The following JARID2 variants were observed in gnomAD, a reference collection of about 807,000 sequenced individuals.
JARID2 encodes protein Jumonji.
In JARID2, 21 loss-of-function variants were observed where a neutral mutation model predicts 125.6. The observed-to-expected ratio is 0.17, with a 90% CI of 0.12 to 0.24. JARID2 has a LOEUF of 0.24. JARID2 is among the 10% of genes least tolerant of loss of function. The pLI is 1.00. For missense variants in JARID2, 1,303 were observed against 1,639.6 expected (o/e 0.79, Z 3.55); for synonymous variants, 736 against 661.6 (o/e 1.11, Z -1.73).
intron 17 of JARID2, among the ~76,000 whole-genome samples, chr6:15,518,847 CAG>C (rs1175493393): frequency 6.6e-6 from 1 of 152,188 alleles, no homozygotes; most frequent in Non-Finnish European, 1.5e-5. Context: ...CTCAACCTCC[CAG>C]TGTGCCCAGT....
At chr6:15,463,762 C>G (rs1049464063) in intron 4 of JARID2, among the ~76,000 whole-genome samples, 2 of 152,104 alleles carry the variant, frequency 1.3e-5, no homozygotes, top group African/African-American at 4.8e-5. Flanking sequence ...CTGCTAGATA[C>G]GAAGTTTCTA....
At chr6:15,280,110 A>G (rs1418843068) in intron 1 of JARID2, among the ~76,000 whole-genome samples, 1 of 152,136 alleles carries the variant, frequency 6.6e-6, no homozygotes, top group Non-Finnish European at 1.5e-5. Flanking sequence ...CAAATCCGTG[A>G]CTTTGGAAAT....
chr6:15,291,652 G>T (rs143638906), intron 1 of JARID2, among the ~76,000 whole-genome samples: 13 of 152,288 alleles, frequency 8.5e-5, no homozygotes, highest in African/African-American at 2.6e-4. Context: ...GCCCAGTAGT[G>T]GTGGGACACC....
intron 13 of JARID2, 46 bp downstream of exon 13, chr6:15,511,447 C>T: frequency 7.8e-7 from 1 of 1,283,108 alleles, no homozygotes; most frequent in Non-Finnish European, 1.1e-6. Context: ...GTAGGACCTC[C>T]TAGGCACTTG....
intron 3 of JARID2, among the ~76,000 whole-genome samples, chr6:15,415,864 G>A (rs1172681031): frequency 4.7e-5 from 7 of 148,502 alleles, no homozygotes; most frequent in African/African-American, 1.7e-4. Flanking sequence ...CTGGCTGGGC[G>A]GGGGCTGACC....
intron 1 of JARID2, among the ~76,000 whole-genome samples, chr6:15,251,476 C>T (rs1175341137): frequency 1.3e-5 from 2 of 152,206 alleles, no homozygotes; most frequent in Non-Finnish European, 2.9e-5. Flanking sequence ...TACTAACCAC[C>T]TTTTGTCTAC....
chr6:15,376,969 A>G (rs917653469), intron 2 of JARID2, among the ~76,000 whole-genome samples: 2 of 152,058 alleles, frequency 1.3e-5, no homozygotes, highest in Admixed American at 6.5e-5. Context: ...ATATATGTGG[A>G]CGTGTCTGTG....
chr6:15,453,792 G>A (rs1453146189), intron 4 of JARID2, among the ~76,000 whole-genome samples: 2 of 152,114 alleles, frequency 1.3e-5, no homozygotes, highest in African/African-American at 4.8e-5. Context: ...CATCCTTCCA[G>A]CCTTGCTTCT....
At chr6:15,433,297 G>C (rs1184782083) in intron 3 of JARID2, among the ~76,000 whole-genome samples, 1 of 152,080 alleles carries the variant, frequency 6.6e-6, no homozygotes, top group Non-Finnish European at 1.5e-5. Context: ...TTGTTCATCT[G>C]CCTTGTGCAG....
At chr6:15,500,349 C>G (rs11965672) in intron 7 of JARID2, among the ~76,000 whole-genome samples, 3,267 of 152,298 alleles carry the variant, frequency 0.021, 120 homozygotes, top group African/African-American at 0.073. Flanking sequence ...GGAAAATAGA[C>G]TTCCTTTGTG....
rs1771054942 is a variant in JARID2 at position 15,507,365 on chromosome 6, G to A, written c.2680G>A (p.Val894Ile). 5.0e-6 allele frequency: 8 copies of A among 1,614,000 alleles called. 1 individual carries two copies. The highest frequency in any genetic ancestry group is 5.9e-6 in the Non-Finnish European group (7 of 1,179,946). Residue 894 changes from valine (V) to isoleucine (I), a missense_variant, in exon 11 of 18, where the codon GTC becomes ATC. Transcript: ENST00000341776. ...PFSRHGWNLT[V>I]LPNNTGSILR... ...TTGCAGGCATGGATGGAACCTCACC[G>A]TCCTCCCCAATAACACAGGGTCCAT... is the stretch of plus-strand genomic sequence containing the variant.
At chr6:15,368,264 TGAGTA>T (rs1301551647) in intron 1 of JARID2, among the ~76,000 whole-genome samples, 2 of 152,174 alleles carry the variant, frequency 1.3e-5, no homozygotes, top group African/African-American at 2.4e-5. Flanking sequence ...GTCTTTAAAA[TGAGTA>T]GAGGAGAGCA....
At chr6:15,476,218 C>T (rs536205589) in intron 5 of JARID2, among the ~76,000 whole-genome samples, 60 of 152,306 alleles carry the variant, frequency 3.9e-4, no homozygotes, top group African/African-American at 1.4e-3. Flanking sequence ...TTAATTAGGC[C>T]ACATTTCAAG....
At chr6:15,421,072 A>G (rs138881900) in intron 3 of JARID2, among the ~76,000 whole-genome samples, 1 of 152,164 alleles carries the variant, frequency 6.6e-6, no homozygotes, top group East Asian at 1.9e-4. Flanking sequence ...TGCCTTACAC[A>G]TTATATCACC....
intron 4 of JARID2, among the ~76,000 whole-genome samples, chr6:15,454,955 A>G (rs752051436): frequency 7.2e-5 from 11 of 152,200 alleles, no homozygotes; most frequent in Non-Finnish European, 1.0e-4. Flanking sequence ...TGTGATGATC[A>G]GGAATGGAGA....
intron 1 of JARID2, among the ~76,000 whole-genome samples, chr6:15,274,454 G>A (rs1760418155): frequency 6.6e-6 from 1 of 152,128 alleles, no homozygotes. Context: ...ATTTTGTTCT[G>A]AAGAAACATG....
At chr6:15,514,522 G>A (rs1771452049) in intron 16 of JARID2, among the ~76,000 whole-genome samples, 1 of 152,200 alleles carries the variant, frequency 6.6e-6, no homozygotes, top group African/African-American at 2.4e-5. Flanking sequence ...TGAGACCCGG[G>A]TCGACTCTCC....
intron 5 of JARID2, among the ~76,000 whole-genome samples, chr6:15,478,155 C>T (rs948298846): frequency 2.0e-5 from 3 of 152,184 alleles, no homozygotes; most frequent in Non-Finnish European, 2.9e-5. Context: ...GTGTTGTTAC[C>T]TTCGTAACTC....
At chr6:15,519,167 C>T (rs1324667450) in intron 17 of JARID2, among the ~76,000 whole-genome samples, 4 of 152,328 alleles carry the variant, frequency 2.6e-5, no homozygotes, top group Non-Finnish European at 2.9e-5. Flanking sequence ...CGCACACTGC[C>T]GCTCCTCCTC....
Sources: allele counts gnomAD v4.1 joint callset (sites outside exome capture counted in the v4.1 genomes callset), GRCh38; gene constraint gnomAD v4.1.1; transcripts MANE v1.5; gene names NCBI Gene and HGNC (gene_info 2026-07-23, HGNC 2026-07-21).